The following B4GALT1 variants were observed in gnomAD, a reference collection of about 807,000 sequenced individuals.
B4GALT1 encodes the protein beta-1,4-galactosyltransferase 1.
Under a neutral mutation model 34.9 loss-of-function variants are expected in B4GALT1, and 16 were observed. The ratio of observed to expected loss-of-function variants is 0.46; its 90% CI spans 0.31 to 0.70. The LOEUF (loss-of-function observed/expected upper bound fraction) is 0.70. B4GALT1 is among the 30% of genes least tolerant of loss of function. B4GALT1 has a pLI of 0.05. For synonymous variants in B4GALT1, 221 were observed against 218.1 expected (o/e 1.01, Z -0.12); for missense variants, 445 against 530.5 (o/e 0.84, Z 1.58).
chr9:33,160,472 A>G (rs1440365336), intron 1 of B4GALT1, among the ~76,000 whole-genome samples: 1 of 152,234 alleles, frequency 6.6e-6, no homozygotes, highest in African/African-American at 2.4e-5. Context: ...ATCTATAAAG[A>G]CAACAGCTAT....
intron 1 of B4GALT1, among the ~76,000 whole-genome samples, chr9:33,163,339 T>C (rs963060591): frequency 6.6e-6 from 1 of 152,216 alleles, no homozygotes; most frequent in African/African-American, 2.4e-5. Flanking sequence ...CCTGGCTACC[T>C]GTAGCTGCTG....
At position 33,166,757 on chromosome 9, in the gene B4GALT1, C is replaced by T. The variant is rs1224634853; in HGVS notation, c.412+1G>A. ...CGACTGGCGCCGACCCGAGTCCTTA[C>T]CAAGCAGCGGGGACTCCTCAGGGCA... On this transcript the variant is annotated splice_donor_variant, in intron 1 of 5. Coordinates refer to ENST00000379731, the MANE Select transcript of B4GALT1 (RefSeq NM_001497.4). LOFTEE classifies it high-confidence loss of function. 1.3e-6 allele frequency: 2 copies of T among 1,504,332 alleles called. No homozygotes were observed. The highest frequency in any genetic ancestry group is 1.8e-6 in the Non-Finnish European group (2 of 1,133,678). 93.2% of individuals were successfully genotyped at this position (1,504,332 alleles called of 1,614,324 possible). A position where few individuals can be genotyped will look rare whatever the true frequency, so the allele number is the denominator to read the frequency against.
At chr9:33,184,253 T>TAGATAC in the B4GALT1 span, among the ~76,000 whole-genome samples, 1 of 147,116 alleles carries the variant, frequency 6.8e-6, no homozygotes, top group African/African-American at 2.5e-5. Context: ...GTCACTCTTG[T>TAGATAC]ACACACACAC....
At chr9:33,149,839 G>A (rs141101685) in intron 1 of B4GALT1, among the ~76,000 whole-genome samples, 1 of 152,230 alleles carries the variant, frequency 6.6e-6, no homozygotes, top group East Asian at 1.9e-4. Flanking sequence ...TAACTGGCCT[G>A]TACTCTTCAA....
chr9:33,139,977 C>A (rs544196802), intron 1 of B4GALT1, among the ~76,000 whole-genome samples: 2 of 152,370 alleles, frequency 1.3e-5, no homozygotes, highest in East Asian at 3.9e-4. Flanking sequence ...AGCCCCGCCA[C>A]GTGGGCCTCT....
intron 3 of B4GALT1, 93 bp downstream of exon 3, chr9:33,120,326 T>C: frequency 7.0e-7 from 1 of 1,428,558 alleles, no homozygotes; most frequent in Non-Finnish European, 9.9e-7. Flanking sequence ...CTCCAGAGCT[T>C]AAAGAGGCAC....
intron 1 of B4GALT1, among the ~76,000 whole-genome samples, chr9:33,136,894 AC>A (rs1226656296): frequency 3.9e-5 from 6 of 152,010 alleles, no homozygotes; most frequent in African/African-American, 1.5e-4. Context: ...CTCTCCAAGC[AC>A]CCCCTACTCC....
At chr9:33,153,432 A>G (rs1840551116) in intron 1 of B4GALT1, among the ~76,000 whole-genome samples, 1 of 152,236 alleles carries the variant, frequency 6.6e-6, no homozygotes, top group Non-Finnish European at 1.5e-5. Context: ...AATGAACTCA[A>G]AGTTGGTCCT....
chr9:33,135,501 GGCTGCA>G (rs1453253978), intron 1 of B4GALT1, 77 bp from the exon 2 acceptor site: 55 of 1,405,268 alleles, frequency 3.9e-5, no homozygotes, highest in Middle Eastern at 2.2e-4. Context: ...CAGATGGCCA[GGCTGCA>G]GCTGCAGCTG....
Position 33,111,106 on chromosome 9 carries a change from G to A in B4GALT1, c.*2348C>T. 1 of 152,552 alleles carries A rather than the reference G, an allele frequency of 6.6e-6. No individual in the cohort carries two copies. Among genetic ancestry groups the A allele is most frequent in the South Asian group, 2.1e-4 (1 of 4,832 alleles). 9.4% of individuals were successfully genotyped at this position (152,552 alleles called of 1,614,324 possible). A position where few individuals can be genotyped will look rare whatever the true frequency, so the allele number is the denominator to read the frequency against. ...AGGACCCGCGGCATCTCACGGACCA[G>A]GCAAACATCCAGGCCTAACTGTGCC... On this transcript the variant is annotated 3_prime_UTR_variant, in exon 6 of 6. Transcript: ENST00000379731.
chr9:33,129,769 T>C (rs2118121180), intron 2 of B4GALT1, among the ~76,000 whole-genome samples: 1 of 151,634 alleles, frequency 6.6e-6, no homozygotes, highest in Non-Finnish European at 1.5e-5. Flanking sequence ...ACTAATGAGG[T>C]TGGGGAGGGA....
At chr9:33,168,257 C>A (rs1034707070), upstream of B4GALT1, among the ~76,000 whole-genome samples, 1 of 152,204 alleles carries the variant, frequency 6.6e-6, no homozygotes, top group Admixed American at 6.5e-5. Context: ...CAGGTTTACC[C>A]TTTGTTGATT....
chr9:33,166,283 A>C (rs1840751333), intron 1 of B4GALT1, among the ~76,000 whole-genome samples: 1 of 151,940 alleles, frequency 6.6e-6, no homozygotes, highest in African/African-American at 2.4e-5. Context: ...CAGGAGAAAA[A>C]CCCACTCAGG....
intron 1 of B4GALT1, among the ~76,000 whole-genome samples, chr9:33,135,890 A>AGTGTGTGT (rs112875696): frequency 0.02 from 2,115 of 104,100 alleles, 31 homozygotes; most frequent in Middle Eastern, 0.042. Context: ...TAACTGGGGA[A>AGTGTGTGT]GTGTGTGTGT....
chr9:33,105,849 G>A (rs192127408), downstream of B4GALT1, among the ~76,000 whole-genome samples: 2 of 131,340 alleles, frequency 1.5e-5, no homozygotes, highest in African/African-American at 2.7e-5. Context: ...TGTATATACC[G>A]CCTTTTGTTT....
Position 33,116,789 on chromosome 9 carries a change from C to A in B4GALT1, c.837-676G>T, listed in dbSNP as rs540026982. Among the ~76,000 whole-genome samples the A allele has an allele frequency of 9.3e-4, 133 of 143,644 alleles. 1 individual carries two copies. The highest frequency in any genetic ancestry group is 3.2e-3 in the African/African-American group (128 of 39,942). The allele number at this position is 143,644 out of a possible 152,430, so 94.2% of individuals were successfully genotyped here. A position where few individuals can be genotyped will look rare whatever the true frequency, so the allele number is the denominator to read the frequency against. ...CCACCCACCTTAGCCTCCCAAAGTG[C>A]TGGGATCACAGGCAAGAGCCACCAT... On this transcript the variant is annotated intron_variant, in intron 3 of 5. Coordinates refer to ENST00000379731, the MANE Select transcript of B4GALT1 (RefSeq NM_001497.4).
At chr9:33,142,503 T>C (rs541747740) in intron 1 of B4GALT1, among the ~76,000 whole-genome samples, 7 of 152,294 alleles carry the variant, frequency 4.6e-5, no homozygotes, top group Admixed American at 3.9e-4. Context: ...GCTGACATGA[T>C]ATGTCTTGGG....
chr9:33,123,902 G>A (rs964259155), intron 2 of B4GALT1, among the ~76,000 whole-genome samples: 14 of 152,094 alleles, frequency 9.2e-5, no homozygotes, highest in African/African-American at 2.9e-4. Context: ...CCCAGTGTCC[G>A]GCCCAGACTT....
At chr9:33,104,292 A>T (rs1839777130) in exon 3 of B4GALT1, 1 of 154,922 alleles carries the variant, frequency 6.5e-6, no homozygotes, top group African/African-American at 2.4e-5. Flanking sequence ...ACCCCCAGGG[A>T]TAATCCAGCC....
Sources: gnomAD v4.1 joint callset for allele counts (sites outside exome capture counted in the v4.1 genomes callset) on GRCh38, gnomAD v4.1.1 for gene constraint, MANE v1.5 for transcripts, NCBI Gene and HGNC (gene_info 2026-07-23, HGNC 2026-07-21) for gene names.